Variants in UBTF observed in about 807,000 individuals in gnomAD.
UBTF encodes upstream binding transcription factor, also known as nucleolar transcription factor 1.
UBTF carries 8 observed loss-of-function variants against 112.3 expected under a neutral mutation model. The observed-to-expected ratio is 0.07, with a 90% CI of 0.04 to 0.13. The LOEUF is 0.13. Ranked by LOEUF, UBTF falls within the 10% of genes least tolerant of loss-of-function variation. The pLI is 1.00. For missense variants in UBTF, 457 were observed against 982.1 expected (o/e 0.47, Z 7.15); for synonymous variants, 417 against 373.1 (o/e 1.12, Z -1.36).
At chr17:44,216,308 C>T (rs1362459755) in intron 3 of UBTF, 1 of 622,302 alleles carries the variant, frequency 1.6e-6, no homozygotes, top group East Asian at 2.7e-5. Flanking sequence ...ACAGCTCAGG[C>T]TGTTTGGCTC....
intron 3 of UBTF, 132 bp downstream of exon 3, chr17:44,216,397 G>C (rs1396308776): frequency 9.4e-7 from 1 of 1,068,094 alleles, no homozygotes; most frequent in Non-Finnish European, 1.4e-6. Context: ...CAAAGGGGCA[G>C]GTAGAGAGCT....
At chr17:44,214,331 G>GGA (rs1190521042) in intron 5 of UBTF, among the ~76,000 whole-genome samples, 1 of 152,154 alleles carries the variant, frequency 6.6e-6, no homozygotes, top group African/African-American at 2.4e-5. Context: ...GACCTGAAGG[G>GGA]GACCACACAG....
Position 44,209,336 on chromosome 17 carries a change from TC to T in UBTF, c.1905+15del. On this transcript the variant is annotated intron_variant, in intron 17 of 20. Coordinates refer to ENST00000436088, the MANE Select transcript of UBTF (RefSeq NM_014233.4). ...GATGCCTCTCTGTTCCTTCCAAGGG[TC>T]CCTTGCCCTCTCACCTTAACCCAGA... is the stretch of plus-strand genomic sequence containing the variant. 2.5e-6 allele frequency: 4 copies of T among 1,576,638 alleles called. No homozygotes were observed. Among genetic ancestry groups the T allele is most frequent in the Non-Finnish European group, 2.6e-6 (3 of 1,158,220 alleles).
At chr17:44,210,505 C>T (rs1159087350) in intron 13 of UBTF, 32 bp from the exon 14 acceptor site, 5 of 1,554,942 alleles carry the variant, frequency 3.2e-6, no homozygotes, top group African/African-American at 1.4e-5. Flanking sequence ...CAGCCTTCCA[C>T]CCACCCCCAG....
rs777820337 is a variant in UBTF, at chr17:44,210,926, G to A, written c.1225C>T (p.Arg409Trp). ...AAGATGAACATGGCCGACACGGGCC[G>A]CTTGGGCTTCTCGGAGCCGCCCTGT... is the stretch of plus-strand genomic sequence containing the variant. The part of the protein sequence containing the change: ...GGKGGSEKPK[R>W]PVSAMFIFSE... The change falls in exon 13 of 21, where the codon CGG becomes TGG. Residue 409 changes from arginine to tryptophan, a missense_variant. Coordinates refer to ENST00000436088, the MANE Select transcript of UBTF (RefSeq NM_014233.4). 6.2e-7 allele frequency: 1 copy of A among 1,607,852 alleles called. No individual in the cohort carries two copies. The highest frequency in any genetic ancestry group is 1.1e-5 in the South Asian group (1 of 90,814).
upstream of UBTF, chr17:44,220,814 C>T (rs1451279126): frequency 6.6e-6 from 1 of 152,152 alleles, no homozygotes; most frequent in Non-Finnish European, 1.5e-5. Flanking sequence ...CGCAGCTCCG[C>T]TGCAGCCGAC....
intron 13 of UBTF, 95 bp downstream of exon 13, chr17:44,210,697 C>T: frequency 6.7e-7 from 1 of 1,499,616 alleles, no homozygotes; most frequent in Non-Finnish European, 8.9e-7. Context: ...CCGCGTGGCT[C>T]AGGCGGCCAG....
In UBTF at chr17:44,209,763, C is replaced by G. The variant is rs367897741; in HGVS notation, c.1627-30G>C. 57 of 1,606,412 alleles carry G rather than the reference C, an allele frequency of 3.5e-5. No individual in the cohort carries two copies. The African/African-American group carries it at 4.4e-4, about 12-fold the overall frequency. The stretch of plus-strand genomic sequence containing the variant: ...AGGGAGAAAGGTCACGCTCACCCCC[C>G]AGTCCCACCCCCAAAATACTGCTGC... On this transcript the variant is annotated intron_variant, in intron 15 of 20. Transcript: ENST00000436088.
chr17:44,212,118 G>A (rs2056722041), intron 8 of UBTF, 112 bp from the exon 9 acceptor site: 2 of 1,160,980 alleles, frequency 1.7e-6, no homozygotes, highest in African/African-American at 1.6e-5. Context: ...GGGGGTGGCT[G>A]CGCGTCAGTG....
At chr17:44,215,406 T>G (rs573221347) in intron 5 of UBTF, 27 of 516,350 alleles carry the variant, frequency 5.2e-5, no homozygotes, top group Non-Finnish European at 8.3e-5. Flanking sequence ...TGCTGTGGGT[T>G]TTCTGTAGGG....
upstream of UBTF, among the ~76,000 whole-genome samples, chr17:44,220,068 G>T (rs1231807306): frequency 8.7e-6 from 1 of 114,984 alleles, no homozygotes; most frequent in Admixed American, 7.8e-5. Context: ...TGCTGCTGCT[G>T]CTGCCGCCGC....
chr17:44,213,402 G>A (rs996041295), intron 5 of UBTF, 120 bp from the exon 6 acceptor site: 3 of 1,118,844 alleles, frequency 2.7e-6, no homozygotes, highest in African/African-American at 3.1e-5. Flanking sequence ...TGCAGGGAGT[G>A]GAGGCTGGCG....
At chr17:44,220,552 C>G (rs1017905875), upstream of UBTF, among the ~76,000 whole-genome samples, 1 of 151,882 alleles carries the variant, frequency 6.6e-6, no homozygotes, top group Non-Finnish European at 1.5e-5. Context: ...AAAAAAAAAT[C>G]CCCGTTGCTC....
At position 44,219,604 on chromosome 17, in the gene UBTF, C is replaced by T. The variant is rs2047062282; in HGVS notation, c.-227G>A. 1.8e-5 allele frequency: 2 copies of T among 114,074 alleles called. No individual in the cohort carries two copies. The highest frequency in any genetic ancestry group is 2.6e-4 in the South Asian group (1 of 3,850). The allele number at this position is 114,074 out of a possible 1,614,324, so 7.1% of individuals were successfully genotyped here. The stretch of plus-strand genomic sequence containing the variant: ...GGCGGCGGCGCTGGGGCGGCGGCTG[C>T]TGCTGCTGTGGCGGCGGCGGCGGCG... On this transcript the variant is annotated 5_prime_UTR_variant, in exon 1 of 21. Coordinates refer to ENST00000436088, the MANE Select transcript of UBTF (RefSeq NM_014233.4).
intron 1 of UBTF, chr17:44,218,876 C>G (rs1458878876): frequency 6.6e-6 from 1 of 151,464 alleles, no homozygotes; most frequent in Non-Finnish European, 1.5e-5. Context: ...TCCCCCCTCC[C>G]GGGCTCCCTT....
At chr17:44,221,091 A>C (rs1411004858), upstream of UBTF, 2 of 105,220 alleles carry the variant, frequency 1.9e-5, no homozygotes, top group Admixed American at 8.2e-5. Context: ...GGGGTTGCAC[A>C]AAAAAAATTT....
chr17:44,218,161 G>A lies in UBTF; in HGVS notation c.58+11C>T, dbSNP rs2046942756. The A allele has an allele frequency of 1.2e-6, 2 of 1,612,232 alleles. No individual in the cohort carries two copies. Among genetic ancestry groups the A allele is most frequent in the African/African-American group, 2.7e-5 (2 of 74,792 alleles). On this transcript the variant is annotated intron_variant, in intron 2 of 20. Coordinates refer to ENST00000436088, the MANE Select transcript of UBTF (RefSeq NM_014233.4). ...TTTAAGTTTCAGAGGGCCGGGGGTG[G>A]ATGCCCCTACCTTGGCCTTTGGGGG...
chr17:44,216,502 G>T lies in UBTF; in HGVS notation c.234+27C>A. On this transcript the variant is annotated intron_variant, in intron 3 of 20. Transcript: ENST00000436088. ...ACCACGCTGAGTGGGGGGTATGTGT[G>T]TATGTCAGAAAAGGGGGATCAGTTA... The T allele has an allele frequency of 1.9e-6, 3 of 1,613,194 alleles. No individual in the cohort carries two copies. The South Asian group carries it at 3.3e-5, about 18-fold the overall frequency.
chr17:44,207,627 T>A, intron 19 of UBTF, 30 bp from the exon 20 acceptor site: 1 of 1,614,120 alleles, frequency 6.2e-7, no homozygotes, highest in South Asian at 1.1e-5. Context: ...ATCAGTGGTC[T>A]CTGGTCTCTG....
Sources: allele counts gnomAD v4.1 joint callset (sites outside exome capture counted in the v4.1 genomes callset), GRCh38; gene constraint gnomAD v4.1.1; transcripts MANE v1.5; gene names NCBI Gene and HGNC (gene_info 2026-07-23, HGNC 2026-07-21).